The following BCAS3 variants were observed in gnomAD, a reference collection of about 807,000 sequenced individuals.
The protein encoded by BCAS3 is BCAS3 microtubule associated cell migration factor, also known as BCAS4/BCAS3 fusion.
A neutral mutation model predicts 116.1 loss-of-function variants in BCAS3; 53 were observed. The observed-to-expected ratio is 0.46, with a 90% CI of 0.37 to 0.57. The LOEUF (loss-of-function observed/expected upper bound fraction) is 0.57. BCAS3 is among the 20% of genes least tolerant of loss of function. The pLI, the probability that BCAS3 is intolerant of heterozygous loss-of-function variation, is 0.00. For synonymous variants in BCAS3, 391 were observed against 408.2 expected (o/e 0.96, Z 0.51); for missense variants, 917 against 1,165.4 (o/e 0.79, Z 3.10).
chr17:60,720,161 C>T (rs2039078495), intron 5 of BCAS3: 1 of 151,180 alleles, frequency 6.6e-6, no homozygotes, highest in African/African-American at 2.5e-5. Context: ...CTTTTTGAGA[C>T]ATAGTCTTGC....
chr17:60,769,244 G>A (rs2044408292), intron 6 of BCAS3, among the ~76,000 whole-genome samples: 1 of 152,186 alleles, frequency 6.6e-6, no homozygotes, highest in Non-Finnish European at 1.5e-5. Context: ...GCAGGGGCAG[G>A]ATGGTCCCTA....
chr17:61,150,309 C>G (rs1466361678), intron 22 of BCAS3, among the ~76,000 whole-genome samples: 2 of 152,202 alleles, frequency 1.3e-5, no homozygotes, highest in Non-Finnish European at 2.9e-5. Context: ...GAAACCCGAT[C>G]AGGTTGCTGT....
At chr17:60,937,612 T>G (rs967605024) in intron 13 of BCAS3, among the ~76,000 whole-genome samples, 1 of 152,214 alleles carries the variant, frequency 6.6e-6, no homozygotes, top group Non-Finnish European at 1.5e-5. Flanking sequence ...ATTTAGAAAT[T>G]CCTACATTTC....
At chr17:60,934,084 G>C (rs934880082) in intron 13 of BCAS3, among the ~76,000 whole-genome samples, 1 of 151,436 alleles carries the variant, frequency 6.6e-6, no homozygotes, top group Non-Finnish European at 1.5e-5. Context: ...TTAGAACCTC[G>C]CTATAATTTT....
At chr17:60,765,629 T>A (rs1191298615) in intron 6 of BCAS3, among the ~76,000 whole-genome samples, 1 of 152,242 alleles carries the variant, frequency 6.6e-6, no homozygotes, top group East Asian at 1.9e-4. Flanking sequence ...AAACATTTTT[T>A]CCTTCATTTC....
intron 5 of BCAS3, among the ~76,000 whole-genome samples, chr17:60,711,379 G>A (rs2037909815): frequency 6.6e-6 from 1 of 151,884 alleles, no homozygotes; most frequent in Non-Finnish European, 1.5e-5. Context: ...TTTCTAGGTT[G>A]TGATAAAACA....
chr17:60,763,322 G>C (rs1019832082), intron 6 of BCAS3, among the ~76,000 whole-genome samples: 1 of 152,188 alleles, frequency 6.6e-6, no homozygotes, highest in African/African-American at 2.4e-5. Context: ...GTATGATACT[G>C]GCTGTGGGTT....
intron 14 of BCAS3, among the ~76,000 whole-genome samples, chr17:60,957,738 G>A (rs2061214334): frequency 6.6e-6 from 1 of 152,060 alleles, no homozygotes; most frequent in South Asian, 2.1e-4. Context: ...TATAACTAAG[G>A]ACAGGCTAAA....
rs754565796 is a variant in BCAS3, at chr17:61,352,604, G to A, written c.2426-15723G>A. On this transcript the variant is annotated intron_variant, in intron 22 of 23. Transcript: ENST00000407086. This position sits in a 1 kb window ranked among gnomAD's most constrained non-coding sequence, Gnocchi z 4.7. ...CCACAGCCTCGGAATCTCTTTACCC[G>A]TAGGCGCCACACTTGGCACACAATG... Among the ~76,000 whole-genome samples, 19 of 152,168 alleles carry A rather than the reference G, an allele frequency of 1.2e-4. No individual in the cohort carries two copies. The highest frequency in any genetic ancestry group is 4.3e-4 in the African/African-American group (18 of 41,430).
rs892078643 is a variant in BCAS3 at position 61,228,076 on chromosome 17, C to T, written c.2426-140251C>T. Among the ~76,000 whole-genome samples, 1 of 152,196 alleles carries T rather than the reference C, an allele frequency of 6.6e-6. No homozygotes were observed. The highest frequency in any genetic ancestry group is 2.4e-5 in the African/African-American group (1 of 41,444). On this transcript the variant is annotated intron_variant, in intron 22 of 23. Coordinates refer to ENST00000407086, the MANE Select transcript of BCAS3 (RefSeq NM_017679.5). The surrounding 1 kb of genome is among the most constrained non-coding windows in gnomAD (Gnocchi z 5.0). ...GAAGGCCCCTTCCTTTACACACATT[C>T]CTGCATACTCCTGCTTCACCCTCAA...
intron 22 of BCAS3, among the ~76,000 whole-genome samples, chr17:61,329,115 T>TG (rs895478228): frequency 6.6e-6 from 1 of 151,072 alleles, no homozygotes; most frequent in African/African-American, 2.4e-5. Flanking sequence ...AGGCTGGTCT[T>TG]GAACTCCTGA....
intron 2 of BCAS3, among the ~76,000 whole-genome samples, chr17:60,682,774 G>A (rs774499898): frequency 4.6e-5 from 7 of 151,880 alleles, no homozygotes; most frequent in Non-Finnish European, 7.4e-5. Flanking sequence ...CACTCGCCTC[G>A]GCCTCCCAAA....
At chr17:60,689,373 G>A (rs779732854) in intron 3 of BCAS3, among the ~76,000 whole-genome samples, 7 of 152,062 alleles carry the variant, frequency 4.6e-5, no homozygotes, top group Non-Finnish European at 7.4e-5. Flanking sequence ...ACAGAGTTTC[G>A]CCATGTTGGC....
chr17:60,819,822 G>T (rs2049766949), intron 7 of BCAS3, among the ~76,000 whole-genome samples: 1 of 151,820 alleles, frequency 6.6e-6, no homozygotes, highest in Non-Finnish European at 1.5e-5. Context: ...GAAGGCAATG[G>T]CTTGATCCTA....
chr17:61,334,664 C>CAAAAA (rs35400660), intron 22 of BCAS3, among the ~76,000 whole-genome samples: 72 of 50,786 alleles, frequency 1.4e-3, no homozygotes, highest in East Asian at 2.5e-3. Context: ...AACTCCATCT[C>CAAAAA]AAAAAAAAAA....
At chr17:60,770,481 T>C (rs8066763) in intron 6 of BCAS3, among the ~76,000 whole-genome samples, 36,167 of 132,192 alleles carry the variant, frequency 0.27, 10,136 homozygotes, top group African/African-American at 0.73. Flanking sequence ...TGCAGTGGCG[T>C]GATCTCGGCT....
At chr17:60,989,458 T>C (rs1012702461) in intron 14 of BCAS3, among the ~76,000 whole-genome samples, 5 of 151,320 alleles carry the variant, frequency 3.3e-5, no homozygotes, top group Admixed American at 1.3e-4. Flanking sequence ...GGCTCACCAC[T>C]TGTTTTTTGT....
At chr17:60,809,835 C>T (rs1020448761) in intron 7 of BCAS3, among the ~76,000 whole-genome samples, 6 of 152,102 alleles carry the variant, frequency 3.9e-5, no homozygotes, top group African/African-American at 1.4e-4. Flanking sequence ...TGAGTGAATC[C>T]TCTGTTGAGT....
chr17:61,292,827 G>A (rs576624313), intron 22 of BCAS3, among the ~76,000 whole-genome samples: 3 of 152,204 alleles, frequency 2.0e-5, no homozygotes, highest in East Asian at 1.9e-4. Flanking sequence ...TGCAAGTAAC[G>A]AAGTATGTGA....
Sources: allele counts gnomAD v4.1 joint callset (sites outside exome capture counted in the v4.1 genomes callset), GRCh38; gene constraint gnomAD v4.1.1; non-coding constraint Gnocchi (gnomAD v3.1); transcripts MANE v1.5; gene names NCBI Gene and HGNC (gene_info 2026-07-23, HGNC 2026-07-21).